AP1S3: variants seen among roughly 807,000 people sequenced by gnomAD.
The protein encoded by AP1S3 is adaptor related protein complex 1 subunit sigma 3.
AP1S3 carries 10 observed loss-of-function variants against 20.9 expected under a neutral mutation model. The ratio of observed to expected loss-of-function variants is 0.48; its 90% confidence interval spans 0.29 to 0.81. The LOEUF (loss-of-function observed/expected upper bound fraction) is 0.81. AP1S3 is among the 30% of genes least tolerant of loss of function. The pLI is 0.08. For synonymous variants in AP1S3, 41 were observed against 61.5 expected, an observed-to-expected ratio of 0.67 and a Z score of 1.56; for missense variants, 154 against 183.8, an observed-to-expected ratio of 0.84 and a Z score of 0.94.
intron 4 of AP1S3, among the ~76,000 whole-genome samples, chr2:223,760,779 T>C (rs1016023045): frequency 2.0e-5 from 3 of 152,220 alleles, no homozygotes; most frequent in African/African-American, 7.2e-5. Flanking sequence ...AAATAAAAAA[T>C]GGTTGCATGT....
rs545411761 is a variant in AP1S3, at chr2:223,828,506, A to G, written c.3+8942T>C. Among the ~76,000 whole-genome samples the G allele has an allele frequency of 7.2e-5, 11 of 152,236 alleles. No individual in the cohort carries two copies. In the South Asian group the frequency reaches 2.3e-3, roughly 32 times the overall value. On this transcript the variant is annotated intron_variant, in intron 1 of 4. Coordinates refer to ENST00000396654, the MANE Select transcript of AP1S3 (RefSeq NM_001039569.2). ...CACTGCCCCCTACCCCATGTGCCAC[A>G]TCTGGGTCCCCACATGGCCCACCTG...
chr2:223,802,783 T>C (rs2106112084), intron 1 of AP1S3, among the ~76,000 whole-genome samples: 1 of 152,344 alleles, frequency 6.6e-6, no homozygotes, highest in Admixed American at 6.5e-5. Context: ...GGAGTTTTGA[T>C]CTACCCCATG....
In AP1S3 at chr2:223,758,768, A is replaced by T. The variant is rs1281846440; in HGVS notation, c.430-18T>A. On this transcript the variant is annotated intron_variant, in intron 4 of 4. Coordinates refer to ENST00000396654, the MANE Select transcript of AP1S3 (RefSeq NM_001039569.2). ...TCCATTGTCTGAAAGCGAACAATAA[A>T]TTAGAACAATTTTCCCTTTAAGTCA... 1 of 1,602,800 alleles carries T rather than the reference A, an allele frequency of 6.2e-7. No homozygotes were observed. The highest frequency in any genetic ancestry group is 8.5e-7 in the Non-Finnish European group (1 of 1,174,204).
chr2:223,758,131 T>A lies in AP1S3; in HGVS notation c.*584A>T. 4 of 964,212 alleles carry A rather than the reference T, an allele frequency of 4.1e-6. No individual in the cohort carries two copies. The highest frequency in any genetic ancestry group is 4.9e-6 in the Non-Finnish European group (4 of 816,906). The allele number at this position is 964,212 out of a possible 1,614,324, so 59.7% of individuals were successfully genotyped here. The stretch of plus-strand genomic sequence containing the variant: ...GTTCTATACTCTTTGGTTATTTTCA[T>A]AATCCCAATTCTAAAAAAAATAAAT... On this transcript the variant is annotated 3_prime_UTR_variant, in exon 5 of 5. Transcript: ENST00000396654.
Position 223,837,453 on chromosome 2 carries a change from T to C in AP1S3, c.-3A>G. The C allele has an allele frequency of 7.8e-7, 1 of 1,279,600 alleles. No homozygotes were observed. Among genetic ancestry groups the C allele is most frequent in the East Asian group, 3.1e-5 (1 of 32,266 alleles). The allele number at this position is 1,279,600 out of a possible 1,614,324, so 79.3% of individuals were successfully genotyped here. A position where few individuals can be genotyped will look rare whatever the true frequency, so the allele number is the denominator to read the frequency against. ...GGCGGTTCCCCCGCACTCACCATCG[T>C]GGCTGGGCCGCCGCCTCCCCCGCCT... is the stretch of plus-strand genomic sequence containing the variant. On this transcript the variant is annotated 5_prime_UTR_variant, in exon 1 of 5. Transcript: ENST00000396654.
At chr2:223,807,872 T>C (rs866904554) in intron 1 of AP1S3, among the ~76,000 whole-genome samples, 11 of 122,760 alleles carry the variant, frequency 9.0e-5, no homozygotes, top group African/African-American at 1.3e-4. Context: ...CTTTTCTTTT[T>C]TTTTTTTTTT....
In AP1S3 at chr2:223,771,127, A is replaced by C. The variant is rs548270351; in HGVS notation, c.291+4774T>G. On this transcript the variant is annotated intron_variant, in intron 3 of 4. Transcript: ENST00000396654. ...GAGGCGGGCTGATCATTTGAGGTCA[A>C]GAGTTCGAGACCAGACTGGGCAACA... is the stretch of plus-strand genomic sequence containing the variant. Among the ~76,000 whole-genome samples the C allele has an allele frequency of 2.4e-4, 37 of 151,730 alleles. No homozygotes were observed. In the South Asian group the frequency reaches 7.8e-3, roughly 32 times the overall value.
At position 223,756,894 on chromosome 2, in the gene AP1S3, A is replaced by G; in HGVS notation, c.*1821T>C. On this transcript the variant is annotated 3_prime_UTR_variant, in exon 5 of 5. Transcript: ENST00000396654. The stretch of plus-strand genomic sequence containing the variant: ...GGAGGTCCCAAACCACTCTAATATG[A>G]ATGATACCAGACCTCAAAGCTAACA... The G allele has an allele frequency of 7.1e-6, 7 of 985,446 alleles. No individual in the cohort carries two copies. Among genetic ancestry groups the G allele is most frequent in the Non-Finnish European group, 8.4e-6 (7 of 829,938 alleles). 61.0% of individuals were successfully genotyped at this position (985,446 alleles called of 1,614,324 possible). A position where few individuals can be genotyped will look rare whatever the true frequency, so the allele number is the denominator to read the frequency against.
At chr2:223,832,933 A>G in intron 1 of AP1S3, among the ~76,000 whole-genome samples, 1 of 126,264 alleles carries the variant, frequency 7.9e-6, no homozygotes, top group Non-Finnish European at 1.7e-5. Flanking sequence ...TAAATCGTAC[A>G]CCCAAAAAAA....
chr2:223,804,966 C>T (rs1691545959), intron 1 of AP1S3, among the ~76,000 whole-genome samples: 1 of 152,180 alleles, frequency 6.6e-6, no homozygotes, highest in South Asian at 2.1e-4. Flanking sequence ...TTAAAACTTA[C>T]ACACATACAA....
chr2:223,802,040 C>T (rs1010721440), intron 1 of AP1S3, among the ~76,000 whole-genome samples: 4 of 152,142 alleles, frequency 2.6e-5, no homozygotes, highest in Admixed American at 6.5e-5. Flanking sequence ...CTTGATCAAA[C>T]GTGGGCTCTT....
chr2:223,835,754 C>T (rs1040732740), intron 1 of AP1S3, among the ~76,000 whole-genome samples: 11 of 152,184 alleles, frequency 7.2e-5, no homozygotes, highest in African/African-American at 2.7e-4. Context: ...ACACATATGA[C>T]ACCAGCAAGA....
At chr2:223,792,062 G>T (rs1291046638) in intron 1 of AP1S3, among the ~76,000 whole-genome samples, 2 of 152,136 alleles carry the variant, frequency 1.3e-5, no homozygotes, top group Non-Finnish European at 2.9e-5. Flanking sequence ...ATCTGAAAAT[G>T]ACCATATTGC....
intron 1 of AP1S3, among the ~76,000 whole-genome samples, chr2:223,794,012 G>A (rs2106105420): frequency 1.3e-5 from 2 of 152,258 alleles, no homozygotes; most frequent in South Asian, 4.1e-4. Flanking sequence ...GTTTTAGTAA[G>A]TTACTACATA....
At chr2:223,764,476 A>C (rs1396494119) in intron 4 of AP1S3, among the ~76,000 whole-genome samples, 1 of 152,068 alleles carries the variant, frequency 6.6e-6, no homozygotes, top group Non-Finnish European at 1.5e-5. Context: ...GTATGATGCA[A>C]ATCTGTGCGG....
At chr2:223,774,636 G>C (rs976232578) in intron 3 of AP1S3, among the ~76,000 whole-genome samples, 5 of 152,058 alleles carry the variant, frequency 3.3e-5, no homozygotes, top group African/African-American at 1.2e-4. Context: ...ATGTTTAAGA[G>C]AAAAGCAAAA....
At chr2:223,835,542 C>A (rs1317831566) in intron 1 of AP1S3, among the ~76,000 whole-genome samples, 1 of 152,146 alleles carries the variant, frequency 6.6e-6, no homozygotes, top group Admixed American at 6.5e-5. Flanking sequence ...GTAATCCCAG[C>A]TACTTAGGAG....
At chr2:223,766,867 T>A (rs906751222) in intron 3 of AP1S3, among the ~76,000 whole-genome samples, 7 of 152,160 alleles carry the variant, frequency 4.6e-5, no homozygotes, top group African/African-American at 1.7e-4. Flanking sequence ...TGGAATACTA[T>A]GCAGCCATAA....
chr2:223,811,942 A>G (rs1574720503), intron 1 of AP1S3, among the ~76,000 whole-genome samples: 1 of 152,230 alleles, frequency 6.6e-6, no homozygotes, highest in East Asian at 1.9e-4. Flanking sequence ...TGTTTATGTA[A>G]GTTGACCAGC....
Sources: gnomAD v4.1 joint callset for allele counts (sites outside exome capture counted in the v4.1 genomes callset) on GRCh38, gnomAD v4.1.1 for gene constraint, MANE v1.5 for transcripts, NCBI Gene and HGNC (gene_info 2026-07-23, HGNC 2026-07-21) for gene names.